Variants in RBM43 observed in about 807,000 individuals in gnomAD.
RBM43 encodes the protein RNA binding motif protein 43.
Under a neutral mutation model 12.4 loss-of-function variants are expected in RBM43, and 12 were observed. The ratio of observed to expected loss-of-function variants is 0.97; its 90% CI spans 0.62 to 1.57. RBM43 has a LOEUF of 1.57. Ranked by LOEUF, RBM43 falls within the 40% of genes most tolerant of loss-of-function variation. The pLI is 0.00. For missense variants in RBM43, 348 were observed against 400.1 expected (o/e 0.87, Z 1.11); for synonymous variants, 138 against 145.7 (o/e 0.95, Z 0.38).
At chr2:151,260,054 T>TG (rs1297684526) in intron 1 of RBM43, among the ~76,000 whole-genome samples, 8 of 151,764 alleles carry the variant, frequency 5.3e-5, no homozygotes, top group Non-Finnish European at 1.0e-4. Flanking sequence ...TTAGTAGAGA[T>TG]GGGGTTTCAC....
At position 151,250,902 on chromosome 2, in the gene RBM43, T is replaced by C; in HGVS notation, c.*4A>G. The C allele has an allele frequency of 6.3e-7, 1 of 1,578,266 alleles. No homozygotes were observed. The highest frequency in any genetic ancestry group is 8.6e-7 in the Non-Finnish European group (1 of 1,162,910). On this transcript the variant is annotated 3_prime_UTR_variant, in exon 4 of 4. Transcript: ENST00000331426. ...GCCCTTATGACTATATTGCTGAGAT[T>C]TTATTAACTAACCTTTTGCCCTATT...
At chr2:151,260,761 T>C (rs1191800182) in intron 1 of RBM43, among the ~76,000 whole-genome samples, 1 of 152,200 alleles carries the variant, frequency 6.6e-6, no homozygotes, top group Non-Finnish European at 1.5e-5. Flanking sequence ...TCATCTCTTC[T>C]ACCCACGATT....
chr2:151,255,399 C>T (rs1682957777), intron 2 of RBM43, 134 bp downstream of exon 2: 1 of 587,986 alleles, frequency 1.7e-6, no homozygotes, highest in African/African-American at 1.9e-5. Context: ...ACCTGGGCAA[C>T]AGAGTGAGAC....
intron 2 of RBM43, among the ~76,000 whole-genome samples, chr2:151,254,068 T>C (rs1047887733): frequency 1.4e-4 from 22 of 152,112 alleles, no homozygotes; most frequent in African/African-American, 5.1e-4. Flanking sequence ...GAATATATAA[T>C]CATAAATATA....
At chr2:151,257,185 G>T (rs1682985727) in intron 1 of RBM43, among the ~76,000 whole-genome samples, 1 of 152,174 alleles carries the variant, frequency 6.6e-6, no homozygotes, top group Admixed American at 6.5e-5. Context: ...TACAGCGATG[G>T]TTAGCAGACC....
intron 1 of RBM43, among the ~76,000 whole-genome samples, chr2:151,256,906 T>C (rs756600702): frequency 2.0e-5 from 3 of 152,162 alleles, no homozygotes; most frequent in Admixed American, 6.5e-5. Context: ...ATATCGGACA[T>C]GAAAGTCAGC....
intron 1 of RBM43, among the ~76,000 whole-genome samples, chr2:151,260,109 T>C (rs403411): frequency 0.68 from 102,552 of 150,922 alleles, 35,875 homozygotes; most frequent in African/African-American, 0.86. Flanking sequence ...CGTGATCCGC[T>C]CCCCCCTCGG....
intron 1 of RBM43, among the ~76,000 whole-genome samples, chr2:151,260,646 T>C (rs1006283578): frequency 2.6e-5 from 4 of 152,222 alleles, no homozygotes; most frequent in African/African-American, 9.7e-5. Flanking sequence ...AATTAGTACT[T>C]CAATGACTTG....
chr2:151,256,207 T>C (rs1328235469), intron 1 of RBM43, among the ~76,000 whole-genome samples: 3 of 152,140 alleles, frequency 2.0e-5, no homozygotes, highest in Admixed American at 2.0e-4. Context: ...AGAGATCTGC[T>C]GCCTCAGCCA....
chr2:151,261,686 C>T (rs569907769), intron 1 of RBM43, 39 bp downstream of exon 1: 3 of 1,588,136 alleles, frequency 1.9e-6, no homozygotes, highest in African/African-American at 2.7e-5. Flanking sequence ...GGTACAGGCA[C>T]GGACCTGCAC....
intron 2 of RBM43, among the ~76,000 whole-genome samples, chr2:151,255,084 C>T (rs138383906): frequency 9.2e-5 from 14 of 152,226 alleles, no homozygotes; most frequent in African/African-American, 2.9e-4. Context: ...AAAGCAATAT[C>T]GTGCCATTTG....
At position 151,248,626 on chromosome 2, in the gene RBM43, T is replaced by G. The variant is rs1427179508; in HGVS notation, c.*2280A>C. On this transcript the variant is annotated 3_prime_UTR_variant, in exon 4 of 4. Coordinates refer to ENST00000331426, the MANE Select transcript of RBM43 (RefSeq NM_198557.3). ...ATATCTTATTTGGAGTGTATGATTT[T>G]ATAGCCTCCATCTTTTAGTTCAGTT... The G allele has an allele frequency of 6.6e-6, 1 of 152,214 alleles. No individual in the cohort carries two copies. Among genetic ancestry groups the G allele is most frequent in the East Asian group, 1.9e-4 (1 of 5,198 alleles). The allele number at this position is 152,214 out of a possible 1,614,324, so 9.4% of individuals were successfully genotyped here.
rs770124232 is a variant in RBM43, at chr2:151,255,722, C to A, written c.25G>T (p.Glu9Ter). The change falls in exon 2 of 4, where the codon GAA (glutamate) becomes TAA (stop). Residue 9 changes from glutamate (E) to a stop codon, truncating the protein, a stop_gained. Coordinates refer to ENST00000331426, the MANE Select transcript of RBM43 (RefSeq NM_198557.3). LOFTEE classifies it high-confidence loss of function. The stretch of plus-strand genomic sequence containing the variant: ...ACCGTTCTTTCAGGAGCTTTGGATT[C>A]CTTGACATTCAAAACTGATGCCTGT... MASVLNVK[E>*]SKAPERTVVV... 1 of 1,613,298 alleles carries A rather than the reference C, an allele frequency of 6.2e-7. No homozygotes were observed. Among genetic ancestry groups the A allele is most frequent in the African/African-American group, 1.3e-5 (1 of 74,872 alleles).
In RBM43 at chr2:151,251,117, T is replaced by A. The variant is rs766226095; in HGVS notation, c.863A>T (p.Tyr288Phe). 1.2e-6 allele frequency: 2 copies of A among 1,613,094 alleles called. No individual in the cohort carries two copies. Among genetic ancestry groups the A allele is most frequent in the Admixed American group, 3.3e-5 (2 of 59,946 alleles). ...AAATGTCTCTTTTCTAAGCTTTAAGTAAAGAGCATGTGACCATTCCTCAAT... is the reference window on the plus strand; with the variant it reads ...AAATGTCTCTTTTCTAAGCTTTAAGAAAAGAGCATGTGACCATTCCTCAAT... ...ELIEEWSHAL[Y>F]LKLRKETFIL... Residue 288 changes from tyrosine to phenylalanine, a missense_variant, in exon 4 of 4, where the codon TAC becomes TTC. Tyr to Phe is a conservative substitution (Grantham distance 22, BLOSUM62 3). Transcript: ENST00000331426.
At chr2:151,257,634 G>A (rs569392391) in intron 1 of RBM43, among the ~76,000 whole-genome samples, 1 of 151,896 alleles carries the variant, frequency 6.6e-6, no homozygotes, top group African/African-American at 2.4e-5. Context: ...CGGAGGTTGG[G>A]GTGAGCCGAG....
chr2:151,261,658 C>A, intron 1 of RBM43, 67 bp downstream of exon 1: 1 of 1,567,518 alleles, frequency 6.4e-7, no homozygotes, highest in Non-Finnish European at 8.7e-7. Context: ...CCGCGCCCTT[C>A]TAGGGGACCA....
rs1682961983 is a variant in RBM43, at chr2:151,255,567, C to T, written c.180G>A (p.Lys60=). 4.3e-6 allele frequency: 7 copies of T among 1,613,648 alleles called. No individual in the cohort carries two copies. Among genetic ancestry groups the T allele is most frequent in the Admixed American group, 1.7e-5 (1 of 59,974 alleles). Residue 60 remains lysine (K), a synonymous_variant, in exon 2 of 4, where the codon AAG becomes AAA. Transcript: ENST00000331426. ...CTTTGAATATTACATATGCAACTCC[C>T]TTGGTTCTTGTCGGATATATCACAT... ...VEDVIYPTRT[K]GVAYVIFKEK... is the part of the protein sequence containing the mutation.
chr2:151,251,906 T>G (rs1008105664), intron 3 of RBM43, among the ~76,000 whole-genome samples: 2 of 152,202 alleles, frequency 1.3e-5, no homozygotes, highest in African/African-American at 4.8e-5. Context: ...AAATAATTTT[T>G]AGAGGCAGAA....
At chr2:151,256,036 G>A (rs908197879) in intron 1 of RBM43, among the ~76,000 whole-genome samples, 9 of 152,118 alleles carry the variant, frequency 5.9e-5, no homozygotes, top group Admixed American at 2.6e-4. Context: ...ATCTCAGCTC[G>A]CTACAATCTC....
Sources: gnomAD v4.1 joint callset for allele counts (sites outside exome capture counted in the v4.1 genomes callset) on GRCh38, gnomAD v4.1.1 for gene constraint, MANE v1.5 for transcripts, NCBI Gene and HGNC (gene_info 2026-07-23, HGNC 2026-07-21) for gene names.